The following ATP2B1 variants were observed in gnomAD, a reference collection of about 807,000 sequenced individuals.
ATP2B1 encodes ATPase plasma membrane Ca2+ transporting 1.
ATP2B1 carries 14 observed loss-of-function variants against 124.2 expected under a neutral mutation model. That is an observed-to-expected ratio of 0.11 (90% CI 0.07 to 0.18). ATP2B1 has a LOEUF of 0.18. Among genes scored for constraint, ATP2B1 ranks in the 10% least tolerant of loss-of-function variants. ATP2B1 has a pLI of 1.00. For synonymous variants in ATP2B1, 449 were observed against 492.4 expected (o/e 0.91, Z 1.17); for missense variants, 763 against 1,466.1 (o/e 0.52, Z 7.83).
intron 1 of ATP2B1, among the ~76,000 whole-genome samples, chr12:89,668,684 T>C (rs1887580405): frequency 6.6e-6 from 1 of 152,154 alleles, no homozygotes; most frequent in Admixed American, 6.5e-5. Flanking sequence ...CCTATAAACA[T>C]TTCCCTTCTC....
intron 1 of ATP2B1, among the ~76,000 whole-genome samples, chr12:89,681,581 A>G (rs1464216204): frequency 6.6e-6 from 1 of 152,092 alleles, no homozygotes; most frequent in Non-Finnish European, 1.5e-5. Context: ...AAACACTGAC[A>G]TCTAAACCTA....
At chr12:89,657,836 T>G (rs1886140339) in intron 1 of ATP2B1, among the ~76,000 whole-genome samples, 1 of 152,196 alleles carries the variant, frequency 6.6e-6, no homozygotes, top group African/African-American at 2.4e-5. Flanking sequence ...ATGAGTGAGT[T>G]GAGGATGGCT....
At chr12:89,705,838 C>CTTTAT (rs1377173633) in intron 1 of ATP2B1, among the ~76,000 whole-genome samples, 1 of 152,096 alleles carries the variant, frequency 6.6e-6, no homozygotes, top group East Asian at 1.9e-4. Flanking sequence ...AAAGACTTAT[C>CTTTAT]TACAGCTCAA....
At chr12:89,664,333 CTTAA>C (rs947460237) in intron 1 of ATP2B1, among the ~76,000 whole-genome samples, 2 of 152,158 alleles carry the variant, frequency 1.3e-5, no homozygotes, top group Non-Finnish European at 2.9e-5. Flanking sequence ...CAACAAAGTA[CTTAA>C]TTAAGCAGAG....
chr12:89,611,458 TTA>T (rs1382809329), intron 12 of ATP2B1, 86 bp from the exon 13 acceptor site: 2 of 1,104,504 alleles, frequency 1.8e-6, no homozygotes, highest in Non-Finnish European at 2.5e-6. Flanking sequence ...CTGCATTAAT[TTA>T]TAGTCCCCCA....
At position 89,630,512 on chromosome 12, in the gene ATP2B1, T is replaced by G. The variant is rs1881679364; in HGVS notation, c.921A>C (p.Glu307Asp). ...EEEKKDEKKK[E>D]KKNKKQDGAI... Reference sequence around the variant, plus strand: ...GAAAATTGTTATTCTTACTTTTCTTTTCCTTTTTCTTCTCATCTTTCTTCT... The same window carrying G: ...GAAAATTGTTATTCTTACTTTTCTTGTCCTTTTTCTTCTCATCTTTCTTCT... Residue 307 changes from glutamate to aspartate, a missense_variant, in exon 6 of 21, where the codon GAA becomes GAC. By Grantham distance (45) the Glu-to-Asp change is conservative. Coordinates refer to ENST00000428670, the MANE Select transcript of ATP2B1 (RefSeq NM_001366521.1). 6.4e-7 allele frequency: 1 copy of G among 1,569,176 alleles called. No individual in the cohort carries two copies. Among genetic ancestry groups the G allele is most frequent in the South Asian group, 1.2e-5 (1 of 83,032 alleles).
intron 9 of ATP2B1, 51 bp from the exon 10 acceptor site, chr12:89,621,842 AC>A: frequency 7.1e-7 from 1 of 1,407,626 alleles, no homozygotes; most frequent in Non-Finnish European, 9.4e-7. Context: ...AAAACCAATC[AC>A]CTCATTACAT....
At chr12:89,707,601 T>C (rs1892630780) in intron 1 of ATP2B1, among the ~76,000 whole-genome samples, 1 of 151,948 alleles carries the variant, frequency 6.6e-6, no homozygotes, top group Non-Finnish European at 1.5e-5. Flanking sequence ...AAAAGGTAAA[T>C]ATCAGCCTGT....
At chr12:89,602,420 G>A (rs1185217867) in intron 18 of ATP2B1, among the ~76,000 whole-genome samples, 1 of 151,974 alleles carries the variant, frequency 6.6e-6, no homozygotes, top group Non-Finnish European at 1.5e-5. Context: ...AAACCTTAAA[G>A]TTACAATTCC....
intron 11 of ATP2B1, 116 bp downstream of exon 11, chr12:89,619,883 T>C: frequency 1.5e-6 from 2 of 1,346,022 alleles, no homozygotes; most frequent in South Asian, 2.9e-5. Flanking sequence ...TAAAAAACTC[T>C]GAGGTCCTAT....
At chr12:89,639,186 C>G (rs1461454315) in intron 3 of ATP2B1, among the ~76,000 whole-genome samples, 1 of 152,142 alleles carries the variant, frequency 6.6e-6, no homozygotes, top group Non-Finnish European at 1.5e-5. Flanking sequence ...CAAAAAGATA[C>G]ATGTAGTGTA....
At chr12:89,656,804 C>T (rs902003553) in intron 1 of ATP2B1, among the ~76,000 whole-genome samples, 3 of 152,070 alleles carry the variant, frequency 2.0e-5, no homozygotes, top group Non-Finnish European at 2.9e-5. Flanking sequence ...TTTTGTTGTC[C>T]TTGCCCAGTC....
intron 1 of ATP2B1, among the ~76,000 whole-genome samples, chr12:89,677,856 C>T (rs187328729): frequency 2.3e-4 from 35 of 151,206 alleles, no homozygotes; most frequent in Non-Finnish European, 7.4e-5. Context: ...AATACCGTAA[C>T]TAGATGTTCA....
At chr12:89,592,255 T>C (rs1873720031) in intron 20 of ATP2B1, among the ~76,000 whole-genome samples, 1 of 152,068 alleles carries the variant, frequency 6.6e-6, no homozygotes, top group African/African-American at 2.4e-5. Context: ...TAGTTGAGCA[T>C]TTACTATGTA....
At chr12:89,609,128 G>C (rs1877513160) in intron 15 of ATP2B1, among the ~76,000 whole-genome samples, 1 of 152,052 alleles carries the variant, frequency 6.6e-6, no homozygotes, top group South Asian at 2.1e-4. Context: ...GAAAACCTTA[G>C]GGCCAGACTG....
intron 2 of ATP2B1, 44 bp from the exon 3 acceptor site, chr12:89,642,399 C>A: frequency 9.2e-6 from 14 of 1,523,630 alleles, no homozygotes; most frequent in Non-Finnish European, 1.3e-5. Flanking sequence ...TTACTTCTTA[C>A]AAATGAAAAT....
intron 2 of ATP2B1, among the ~76,000 whole-genome samples, chr12:89,651,205 T>C (rs1158310085): frequency 1.3e-5 from 2 of 152,254 alleles, no homozygotes; most frequent in Non-Finnish European, 2.9e-5. Context: ...TCAAAACATA[T>C]TGTTAGAAAA....
At chr12:89,613,196 G>T (rs1878357850) in intron 12 of ATP2B1, among the ~76,000 whole-genome samples, 2 of 152,036 alleles carry the variant, frequency 1.3e-5, no homozygotes, top group Admixed American at 1.3e-4. Flanking sequence ...GCCCAGACTG[G>T]TCTTGAACTC....
chr12:89,696,557 TTAATAGG>T (rs1317012528), intron 1 of ATP2B1, among the ~76,000 whole-genome samples: 2 of 152,218 alleles, frequency 1.3e-5, no homozygotes, highest in Non-Finnish European at 2.9e-5. Context: ...CTGAAGGATG[TTAATAGG>T]TAAGTTTTTC....
Sources: gnomAD v4.1 joint callset for allele counts (sites outside exome capture counted in the v4.1 genomes callset) on GRCh38, gnomAD v4.1.1 for gene constraint, MANE v1.5 for transcripts, NCBI Gene and HGNC (gene_info 2026-07-23, HGNC 2026-07-21) for gene names.